Variants in P2RY8 observed in about 807,000 individuals in gnomAD.
P2RY8 encodes P2Y receptor family member 8, also known as S-geranylgeranyl-glutathione receptor P2RY8.
Under a neutral mutation model 10.0 loss-of-function variants are expected in P2RY8, and 6 were observed. The observed-to-expected ratio is 0.60, with a 90% CI of 0.33 to 1.19. The LOEUF (loss-of-function observed/expected upper bound fraction) is 1.19. P2RY8 is among the 50% of genes most tolerant of loss of function. The probability of loss-of-function intolerance (pLI) is 0.04; values close to 1 mark genes in which losing one functional copy is unlikely to be tolerated. For missense variants in P2RY8, 456 were observed against 542.0 expected (o/e 0.84, Z 1.58); for synonymous variants, 276 against 252.5 (o/e 1.09, Z -0.88).
At chrX:1,531,354 T>A (rs760338165) in intron 1 of P2RY8, among the ~76,000 whole-genome samples, 2 of 152,194 alleles carry the variant, frequency 1.3e-5, no homozygotes, top group South Asian at 2.1e-4. Flanking sequence ...TCATGAATGG[T>A]TCTATCCCAA....
At chrX:1,521,593 T>C (rs2092392026) in intron 1 of P2RY8, among the ~76,000 whole-genome samples, 2 of 152,292 alleles carry the variant, frequency 1.3e-5, no homozygotes, top group South Asian at 4.1e-4. Flanking sequence ...ACACTCTGCA[T>C]TTGTCTGCAG....
intron 1 of P2RY8, among the ~76,000 whole-genome samples, chrX:1,532,214 G>A (rs781168950): frequency 1.3e-5 from 2 of 151,948 alleles, no homozygotes; most frequent in African/African-American, 4.8e-5. Flanking sequence ...CAATCAACAG[G>A]TGGATAAAGA....
chrX:1,507,604 GTGACGGCACC>G (rs2092246593), intron 1 of P2RY8, among the ~76,000 whole-genome samples: 1 of 152,102 alleles, frequency 6.6e-6, no homozygotes, highest in Non-Finnish European at 1.5e-5. Flanking sequence ...GCTCGGGGCC[GTGACGGCACC>G]CGGTCACAGC....
chrX:1,509,364 CATCCATCT>C (rs2092272743), intron 1 of P2RY8, among the ~76,000 whole-genome samples: 2 of 147,260 alleles, frequency 1.4e-5, no homozygotes, highest in East Asian at 3.9e-4. Flanking sequence ...TCCATCCATC[CATCCATCT>C]ATTCTATCTA....
At chrX:1,493,123 T>TA (rs1182352101) in intron 1 of P2RY8, among the ~76,000 whole-genome samples, 2 of 149,996 alleles carry the variant, frequency 1.3e-5, no homozygotes, top group Non-Finnish European at 3.0e-5. Flanking sequence ...CCATCTCTAC[T>TA]AAAAAATACA....
intron 1 of P2RY8, among the ~76,000 whole-genome samples, chrX:1,505,855 G>A (rs28505216): frequency 0.25 from 38,062 of 152,022 alleles, 5,964 homozygotes; most frequent in East Asian, 0.7. Context: ...GGACTTGCAA[G>A]TAGAGTTTCC....
At chrX:1,495,525 G>A (rs1287783662) in intron 1 of P2RY8, among the ~76,000 whole-genome samples, 4 of 150,166 alleles carry the variant, frequency 2.7e-5, no homozygotes, top group Non-Finnish European at 5.9e-5. Flanking sequence ...GGAGGAACCA[G>A]CCCTGCCCAT....
At chrX:1,518,367 AG>A (rs1371952720) in intron 1 of P2RY8, among the ~76,000 whole-genome samples, 2 of 149,938 alleles carry the variant, frequency 1.3e-5, no homozygotes, top group African/African-American at 4.9e-5. Context: ...CGGAGCTTGC[AG>A]TGAGCTGAGA....
chrX:1,477,933 C>T (rs2091893733), intron 1 of P2RY8, among the ~76,000 whole-genome samples: 1 of 152,106 alleles, frequency 6.6e-6, no homozygotes, highest in Admixed American at 6.6e-5. Context: ...TGGTTAGTGA[C>T]CAGCTGTGGA....
intron 1 of P2RY8, among the ~76,000 whole-genome samples, chrX:1,499,158 CTT>C (rs1258712757): frequency 1.0e-5 from 1 of 99,010 alleles, no homozygotes; most frequent in South Asian, 3.7e-4. Context: ...TTTTCTTTTT[CTT>C]TTCTTTTTTT....
At position 1,466,250 on chromosome X, in the gene P2RY8, A is replaced by C; in HGVS notation, c.309T>G (p.Phe103Leu). 1 of 1,613,800 alleles carries C rather than the reference A, an allele frequency of 6.2e-7. No individual in the cohort carries two copies. The highest frequency in any genetic ancestry group is 8.5e-7 in the Non-Finnish European group (1 of 1,179,814). Reference protein sequence around the residue: ...VLLCNVVTVAFYANMYSSILT... With the variant: ...VLLCNVVTVALYANMYSSILT... ...GGATGCTGGAATACATGTTTGCGTA[A>C]AAGGCCACGGTCACCACGTTGCAAA... is the stretch of plus-strand genomic sequence containing the variant. The change falls in exon 2 of 2, where the codon TTT (phenylalanine) becomes TTG (leucine). Residue 103 changes from phenylalanine (F) to leucine (L), a missense_variant. Transcript: ENST00000381297.
chrX:1,524,669 T>TCCATCCATC (rs1556686043), intron 1 of P2RY8, among the ~76,000 whole-genome samples: 17 of 51,050 alleles, frequency 3.3e-4, no homozygotes, highest in Non-Finnish European at 4.1e-4. Context: ...ATCCATCCAT[T>TCCATCCATC]CATCCATCCA....
chrX:1,519,921 C>G (rs1343678700), intron 1 of P2RY8, among the ~76,000 whole-genome samples: 1 of 151,628 alleles, frequency 6.6e-6, no homozygotes, highest in Non-Finnish European at 1.5e-5. Context: ...AATAGTCTCT[C>G]TGGTCCCCAA....
intron 1 of P2RY8, among the ~76,000 whole-genome samples, chrX:1,503,850 A>G (rs1442253510): frequency 1.3e-5 from 2 of 151,546 alleles, no homozygotes; most frequent in African/African-American, 4.8e-5. Context: ...AGCTGAGATC[A>G]TGCCACTGTA....
chrX:1,504,526 A>C (rs1200732508), intron 1 of P2RY8, among the ~76,000 whole-genome samples: 1 of 152,084 alleles, frequency 6.6e-6, no homozygotes, highest in Admixed American at 6.5e-5. Context: ...CACGTGCTGG[A>C]AACTTCCCTC....
chrX:1,508,060 C>T (rs1284732337), intron 1 of P2RY8, among the ~76,000 whole-genome samples: 1 of 152,138 alleles, frequency 6.6e-6, no homozygotes, highest in Non-Finnish European at 1.5e-5. Context: ...TGCCCCTGTC[C>T]CCCCGACGCC....
chrX:1,493,566 A>G (rs1180366437), intron 1 of P2RY8, among the ~76,000 whole-genome samples: 6 of 152,164 alleles, frequency 3.9e-5, no homozygotes, highest in Non-Finnish European at 8.8e-5. Context: ...TTTATTAGCG[A>G]AAAACCAAGA....
intron 1 of P2RY8, among the ~76,000 whole-genome samples, chrX:1,510,910 G>T (rs1404675389): frequency 6.7e-6 from 1 of 149,996 alleles, no homozygotes; most frequent in African/African-American, 2.5e-5. Context: ...CAGGCACAGT[G>T]GCTCCCGCCT....
chrX:1,514,027 G>A (rs1649764654), intron 1 of P2RY8, among the ~76,000 whole-genome samples: 1 of 152,180 alleles, frequency 6.6e-6, no homozygotes. Flanking sequence ...TTAGGGCATG[G>A]TCCTATCTTT....
Sources: allele counts gnomAD v4.1 joint callset (sites outside exome capture counted in the v4.1 genomes callset), GRCh38; gene constraint gnomAD v4.1.1; transcripts MANE v1.5; gene names NCBI Gene and HGNC (gene_info 2026-07-23, HGNC 2026-07-21).